The following NMNAT1 variants were observed in gnomAD, a reference collection of about 807,000 sequenced individuals.
The protein encoded by NMNAT1 is nicotinamide nucleotide adenylyltransferase 1, also known as nicotinamide/nicotinic acid mononucleotide adenylyltransferase 1.
NMNAT1 carries 11 observed loss-of-function variants against 16.7 expected under a neutral mutation model. That is an observed-to-expected ratio of 0.66 (90% CI 0.41 to 1.09). NMNAT1 has a LOEUF of 1.09. Among genes scored for constraint, NMNAT1 ranks in the 50% least tolerant of loss-of-function variants. The probability of loss-of-function intolerance (pLI) is 0.00; values close to 1 mark genes in which losing one functional copy is unlikely to be tolerated. For synonymous variants in NMNAT1, 110 were observed against 119.8 expected (o/e 0.92, Z 0.53); for missense variants, 280 against 332.3 (o/e 0.84, Z 1.22).
intron 1 of NMNAT1, among the ~76,000 whole-genome samples, chr1:9,957,313 G>A (rs955591334): frequency 1.3e-5 from 2 of 152,114 alleles, no homozygotes; most frequent in African/African-American, 4.8e-5. Flanking sequence ...ACAGGTGTGA[G>A]CCACCGTGCC....
At chr1:9,989,109 C>G (rs1212562596), downstream of NMNAT1, among the ~76,000 whole-genome samples, 1 of 152,082 alleles carries the variant, frequency 6.6e-6, no homozygotes, top group Non-Finnish European at 1.5e-5. Flanking sequence ...CCTGTTTGCC[C>G]TCTTGAAAGT....
the NMNAT1 span, among the ~76,000 whole-genome samples, chr1:9,993,566 G>C: frequency 6.6e-6 from 1 of 152,140 alleles, no homozygotes; most frequent in East Asian, 1.9e-4. Context: ...TTCCTTAAAA[G>C]CTTGCCGGGG....
chr1:9,971,336 A>G (rs567898323), intron 1 of NMNAT1, among the ~76,000 whole-genome samples: 20 of 151,730 alleles, frequency 1.3e-4, no homozygotes, highest in Admixed American at 1.2e-3. Flanking sequence ...TCTTTTTGAG[A>G]TGGAGTCTCT....
chr1:9,972,070 T>TA lies in NMNAT1; in HGVS notation c.-3dup. Reference sequence around the variant, plus strand: ...ATTTAGATCAACAACTTCAAGTTCTTACCATGGAAAATTCCGAGAAGACTG... The same window carrying TA: ...ATTTAGATCAACAACTTCAAGTTCTTAACCATGGAAAATTCCGAGAAGACTG... On this transcript the variant is annotated 5_prime_UTR_variant, in exon 2 of 5. Transcript: ENST00000377205. 2 of 1,530,678 alleles carry TA rather than the reference T, an allele frequency of 1.3e-6. No homozygotes were observed. The highest frequency in any genetic ancestry group is 1.8e-6 in the Non-Finnish European group (2 of 1,104,270). 94.8% of individuals were successfully genotyped at this position (1,530,678 alleles called of 1,614,324 possible).
the NMNAT1 span, among the ~76,000 whole-genome samples, chr1:9,995,721 A>T: frequency 6.6e-6 from 1 of 151,868 alleles, no homozygotes; most frequent in African/African-American, 2.4e-5. Context: ...AAAATAAAAT[A>T]AAAAGAATAA....
intron 2 of NMNAT1, among the ~76,000 whole-genome samples, chr1:9,974,591 T>C (rs1288981467): frequency 6.6e-6 from 1 of 152,024 alleles, no homozygotes; most frequent in Non-Finnish European, 1.5e-5. Flanking sequence ...GGTTTCACCG[T>C]GTTAGCCAGG....
chr1:9,992,781 G>A, the NMNAT1 span, among the ~76,000 whole-genome samples: 6 of 152,120 alleles, frequency 3.9e-5, no homozygotes, highest in South Asian at 1.0e-3. Context: ...GTGTGGTGGC[G>A]GGTGCCTGTA....
rs1642004680 is a variant in NMNAT1, at chr1:9,984,055, T to G, written c.*1354T>G. ...GGTAAGGGTACAATGATCCTATTGT[T>G]TTTTGTTTTTGAGATGGAGTCTCAC... is the stretch of plus-strand genomic sequence containing the variant. On this transcript the variant is annotated 3_prime_UTR_variant, in exon 5 of 5. Coordinates refer to ENST00000377205, the MANE Select transcript of NMNAT1 (RefSeq NM_022787.4). 1 of 152,140 alleles carries G rather than the reference T, an allele frequency of 6.6e-6. No homozygotes were observed. Among genetic ancestry groups the G allele is most frequent in the Non-Finnish European group, 1.5e-5 (1 of 68,114 alleles). The allele number at this position is 152,140 out of a possible 1,614,324, so 9.4% of individuals were successfully genotyped here.
chr1:9,957,741 G>A (rs542736032), intron 1 of NMNAT1, among the ~76,000 whole-genome samples: 1 of 152,254 alleles, frequency 6.6e-6, no homozygotes, highest in African/African-American at 2.4e-5. Flanking sequence ...CTAATTACAA[G>A]GAGTGTTGCA....
chr1:9,972,833 T>C (rs1382945631), intron 2 of NMNAT1, among the ~76,000 whole-genome samples: 1 of 152,098 alleles, frequency 6.6e-6, no homozygotes, highest in Non-Finnish European at 1.5e-5. Context: ...TGGTGGCATG[T>C]GCCTGTGGTC....
downstream of NMNAT1, among the ~76,000 whole-genome samples, chr1:9,988,602 CTG>C (rs1216809681): frequency 6.8e-6 from 1 of 147,176 alleles, no homozygotes; most frequent in African/African-American, 2.5e-5. Flanking sequence ...ACTCAGGAAT[CTG>C]AGGCAGGAGA....
chr1:9,969,161 G>A (rs192422785), intron 1 of NMNAT1, among the ~76,000 whole-genome samples: 74 of 152,170 alleles, frequency 4.9e-4, no homozygotes, highest in African/African-American at 1.7e-3. Context: ...GTACTGACAG[G>A]TTACTGAACA....
rs138613460 is a variant in NMNAT1 at position 9,972,110 on chromosome 1, G to A, written c.37G>A (p.Ala13Thr). Residue 13 changes from alanine (A) to threonine (T), a missense_variant, in exon 2 of 5, where the codon GCT (alanine) becomes ACT (threonine). Ala to Thr is a moderately conservative substitution (Grantham distance 58). Coordinates refer to ENST00000377205, the MANE Select transcript of NMNAT1 (RefSeq NM_022787.4). ...CGAGAAGACTGAAGTGGTTCTCCTTGCTTGTGGTTCATTCAATCCCATCAC... is the reference window on the plus strand; with the variant it reads ...CGAGAAGACTGAAGTGGTTCTCCTTACTTGTGGTTCATTCAATCCCATCAC... ...NSEKTEVVLL[A>T]CGSFNPITNM... The A allele has an allele frequency of 1.1e-4, 174 of 1,612,714 alleles. No individual in the cohort carries two copies. The African/African-American group carries it at 2.1e-3, about 19-fold the overall frequency.
downstream of NMNAT1, among the ~76,000 whole-genome samples, chr1:9,988,142 C>T (rs373377949): frequency 7.4e-4 from 112 of 151,946 alleles, 2 homozygotes; most frequent in East Asian, 0.015. Context: ...GGATTATAAG[C>T]GCACACCACC....
At chr1:9,965,326 A>AG (rs1641519168) in intron 1 of NMNAT1, among the ~76,000 whole-genome samples, 1 of 151,850 alleles carries the variant, frequency 6.6e-6, no homozygotes, top group African/African-American at 2.4e-5. Flanking sequence ...AAAAAAAAAA[A>AG]AAAAAAAAGA....
At chr1:9,996,755 A>G in the NMNAT1 span, among the ~76,000 whole-genome samples, 5 of 152,152 alleles carry the variant, frequency 3.3e-5, no homozygotes, top group Admixed American at 3.3e-4. Context: ...ATAAAAGGCC[A>G]CCAGAGTCAC....
At chr1:9,962,323 A>T (rs1162457978) in intron 1 of NMNAT1, among the ~76,000 whole-genome samples, 1 of 151,614 alleles carries the variant, frequency 6.6e-6, no homozygotes, top group Non-Finnish European at 1.5e-5. Flanking sequence ...TCTACTAAAA[A>T]TACAAAAAAT....
At chr1:9,986,443 G>A (rs761557026), downstream of NMNAT1, among the ~76,000 whole-genome samples, 12 of 152,192 alleles carry the variant, frequency 7.9e-5, no homozygotes, top group Non-Finnish European at 7.3e-5. Flanking sequence ...CGCCGGCGTG[G>A]TGGCTCAGCC....
chr1:9,975,685 C>G lies in NMNAT1; in HGVS notation c.209C>G (p.Ala70Gly). Reference sequence around the variant, plus strand: ...CCTGCCTATCACCGGGTCATCATGGCAGAACTTGCTACCAAGAATTCTAAA... The same window carrying G: ...CCTGCCTATCACCGGGTCATCATGGGAGAACTTGCTACCAAGAATTCTAAA... ...LIPAYHRVIM[A>G]ELATKNSKWV... Residue 70 changes from alanine (A) to glycine (G), a missense_variant, in exon 3 of 5, where the codon GCA becomes GGA. Transcript: ENST00000377205. 6.2e-7 allele frequency: 1 copy of G among 1,613,902 alleles called. No individual in the cohort carries two copies. The highest frequency in any genetic ancestry group is 8.5e-7 in the Non-Finnish European group (1 of 1,179,882).
Sources: gnomAD v4.1 joint callset for allele counts (sites outside exome capture counted in the v4.1 genomes callset) on GRCh38, gnomAD v4.1.1 for gene constraint, MANE v1.5 for transcripts, NCBI Gene and HGNC (gene_info 2026-07-23, HGNC 2026-07-21) for gene names.